Variants in KTN1 observed in about 807,000 individuals in gnomAD.
The protein encoded by KTN1 is kinectin.
In KTN1, 130 loss-of-function variants were observed where a neutral mutation model predicts 222.5. That is an observed-to-expected ratio of 0.58 (90% confidence interval 0.51 to 0.68). The LOEUF is 0.68. Among genes scored for constraint, KTN1 ranks in the 30% least tolerant of loss-of-function variants. The pLI is 0.00. For synonymous variants in KTN1, 512 were observed against 496.3 expected (o/e 1.03, Z -0.42); for missense variants, 1,508 against 1,500.4 (o/e 1.01, Z -0.08).
intron 18 of KTN1, 55 bp downstream of exon 18, chr14:55,641,815 G>C: frequency 9.0e-7 from 1 of 1,105,902 alleles, no homozygotes; most frequent in Non-Finnish European, 1.4e-6. Flanking sequence ...ACAAGATCTG[G>C]TTCTTCTTAT....
At chr14:55,650,715 C>T (rs2042855536) in intron 24 of KTN1, 78 bp downstream of exon 24, 1 of 1,136,952 alleles carries the variant, frequency 8.8e-7, no homozygotes, top group Non-Finnish European at 1.3e-6. Context: ...TTTCTTGTTA[C>T]TCAGAAAAAA....
intron 1 of KTN1, among the ~76,000 whole-genome samples, chr14:55,594,611 T>G (rs910813286): frequency 6.6e-6 from 1 of 151,920 alleles, no homozygotes; most frequent in African/African-American, 2.4e-5. Flanking sequence ...TTTGAATTCA[T>G]TCTTGAAAAC....
At chr14:55,668,707 G>A (rs1478177297) in intron 34 of KTN1, 1 of 151,964 alleles carries the variant, frequency 6.6e-6, no homozygotes, top group East Asian at 1.9e-4. Flanking sequence ...TATGCTTTGT[G>A]GTATGATAAG....
rs763568937 is a variant in KTN1 at position 55,650,437 on chromosome 14, C to A, written c.2496+19C>A. 1 of 1,581,458 alleles carries A rather than the reference C, an allele frequency of 6.3e-7. No homozygotes were observed. The highest frequency in any genetic ancestry group is 8.6e-7 in the Non-Finnish European group (1 of 1,157,784). On this transcript the variant is annotated intron_variant, in intron 23 of 43. Transcript: ENST00000395314. ...TGTTCAGGTATTGGGAGACAGAGAA[C>A]TGTGTTTTATGTTTTTGTTTATCAA...
intron 8 of KTN1, 72 bp downstream of exon 8, chr14:55,633,413 C>G: frequency 2.4e-6 from 2 of 841,778 alleles, no homozygotes; most frequent in Non-Finnish European, 3.5e-6. Flanking sequence ...ATATTAATAG[C>G]GTTTGATAGT....
At chr14:55,641,442 A>G (rs2041794863) in intron 17 of KTN1, among the ~76,000 whole-genome samples, 1 of 151,916 alleles carries the variant, frequency 6.6e-6, no homozygotes, top group Non-Finnish European at 1.5e-5. Flanking sequence ...TTCTCAGCTG[A>G]TAGTTTCTAT....
At chr14:55,646,113 T>C (rs969630656) in intron 18 of KTN1, among the ~76,000 whole-genome samples, 8 of 148,802 alleles carry the variant, frequency 5.4e-5, no homozygotes, top group East Asian at 3.8e-4. Context: ...AATTTTAACA[T>C]TGGGGACTTG....
intron 2 of KTN1, among the ~76,000 whole-genome samples, chr14:55,614,928 C>T (rs1192900332): frequency 1.3e-5 from 2 of 152,102 alleles, no homozygotes; most frequent in Admixed American, 6.5e-5. Flanking sequence ...GGGCCATCTA[C>T]GTAGAGCAAC....
intron 1 of KTN1, among the ~76,000 whole-genome samples, chr14:55,584,093 G>A (rs1423453798): frequency 1.3e-5 from 2 of 152,096 alleles, no homozygotes; most frequent in South Asian, 2.1e-4. Context: ...ACAACAACTG[G>A]ATCATATTAC....
chr14:55,654,480 T>G (rs1211432434), intron 28 of KTN1, among the ~76,000 whole-genome samples: 10 of 152,218 alleles, frequency 6.6e-5, no homozygotes, highest in South Asian at 2.1e-4. Context: ...CTGGCCTGTT[T>G]ATAGTAGAGA....
At chr14:55,610,892 G>A (rs891909027) in intron 1 of KTN1, among the ~76,000 whole-genome samples, 2 of 152,132 alleles carry the variant, frequency 1.3e-5, no homozygotes, top group Admixed American at 6.5e-5. Flanking sequence ...ATCGCCACCC[G>A]CCCCCTTCCC....
chr14:55,636,339 C>T (rs534428040), intron 9 of KTN1, 110 bp from the exon 10 acceptor site: 12 of 713,248 alleles, frequency 1.7e-5, no homozygotes, highest in Non-Finnish European at 2.8e-5. Context: ...TTGCAATAAG[C>T]AGTTTTATGA....
chr14:55,660,923 A>G (rs991735617), intron 31 of KTN1, among the ~76,000 whole-genome samples: 2 of 152,170 alleles, frequency 1.3e-5, no homozygotes, highest in Non-Finnish European at 2.9e-5. Context: ...GGGAAGAGCT[A>G]TTTGTTATTT....
intron 1 of KTN1, among the ~76,000 whole-genome samples, chr14:55,581,815 A>C (rs1411715939): frequency 1.3e-5 from 2 of 152,130 alleles, no homozygotes; most frequent in Non-Finnish European, 2.9e-5. Flanking sequence ...AATAACACTA[A>C]ATTACTCTTG....
chr14:55,675,376 A>G (rs909404811), intron 40 of KTN1: 1 of 156,408 alleles, frequency 6.4e-6, no homozygotes, highest in Non-Finnish European at 1.4e-5. Flanking sequence ...GATGGTCAGT[A>G]TTTTGGGAGT....
chr14:55,626,151 A>G (rs1196499406), intron 5 of KTN1, among the ~76,000 whole-genome samples: 1 of 152,082 alleles, frequency 6.6e-6, no homozygotes, highest in African/African-American at 2.4e-5. Flanking sequence ...AATGGAGATC[A>G]GTTAAATACA....
At chr14:55,652,651 G>C (rs1031394880) in intron 25 of KTN1, among the ~76,000 whole-genome samples, 199 bp from the exon 26 acceptor site, 4 of 152,088 alleles carry the variant, frequency 2.6e-5, no homozygotes, top group Non-Finnish European at 4.4e-5. Flanking sequence ...CGCCCGCCTT[G>C]GCCTCCCAAA....
chr14:55,671,246 A>G (rs1460252638), intron 35 of KTN1: 3 of 298,880 alleles, frequency 1.0e-5, no homozygotes, highest in Non-Finnish European at 1.2e-5. Context: ...TTGTATCTCA[A>G]GTGGCATGAA....
chr14:55,620,126 C>G (rs1317485010), intron 5 of KTN1, among the ~76,000 whole-genome samples: 2 of 152,218 alleles, frequency 1.3e-5, no homozygotes, highest in Non-Finnish European at 2.9e-5. Context: ...GCAGTCAAAT[C>G]TTAAAGCTCC....
Sources: allele counts gnomAD v4.1 joint callset (sites outside exome capture counted in the v4.1 genomes callset), GRCh38; gene constraint gnomAD v4.1.1; transcripts MANE v1.5; gene names NCBI Gene and HGNC (gene_info 2026-07-23, HGNC 2026-07-21).